KAZN: variants seen among roughly 807,000 people sequenced by gnomAD.
KAZN encodes the protein kazrin, periplakin interacting protein, also known as kazrin.
In KAZN, 40 loss-of-function variants were observed where a neutral mutation model predicts 87.4. The observed-to-expected ratio is 0.46, with a 90% CI of 0.36 to 0.60. KAZN has a LOEUF of 0.60. Ranked by LOEUF, KAZN falls within the 20% of genes least tolerant of loss-of-function variation. KAZN has a pLI of 0.00. For synonymous variants in KAZN, 466 were observed against 458.3 expected (o/e 1.02, Z -0.22); for missense variants, 898 against 1,073.9 (o/e 0.84, Z 2.29).
rs192115279 is a variant in KAZN at position 15,027,708 on chromosome 1, A to G, written c.419-7041A>G. The stretch of plus-strand genomic sequence containing the variant: ...TGCTGGCAGCAGCTGGGATCGTCTG[A>G]CGTGGACCGATTCCTCCCTCCTCAC... On this transcript the variant is annotated intron_variant, in intron 2 of 14. Transcript: ENST00000376030. Among the ~76,000 whole-genome samples, 38 of 152,284 alleles carry G rather than the reference A, an allele frequency of 2.5e-4. 1 individual carries two copies. The highest frequency in any genetic ancestry group is 1.1e-3 in the Admixed American group (17 of 15,302).
chr1:14,653,047 CT>C (rs1241000243), intron 1 of KAZN, among the ~76,000 whole-genome samples: 4 of 152,186 alleles, frequency 2.6e-5, no homozygotes, highest in African/African-American at 9.7e-5. Flanking sequence ...CCATATGAAA[CT>C]TACCGTCTTG....
intron 2 of KAZN, among the ~76,000 whole-genome samples, chr1:14,544,603 T>G (rs1222613644): frequency 6.6e-6 from 1 of 151,978 alleles, no homozygotes; most frequent in African/African-American, 2.4e-5. Flanking sequence ...CAACTTTTCT[T>G]TGTGCCAGAG....
Position 14,519,808 on chromosome 1 carries a change from C to G in KAZN, c.250-79175C>G, listed in dbSNP as rs182997804. Among the ~76,000 whole-genome samples the G allele has an allele frequency of 7.9e-4, 121 of 152,204 alleles. 2 individuals are homozygous for G. Among genetic ancestry groups the G allele is most frequent in the Admixed American group, 7.5e-3 (115 of 15,290 alleles). ...GATCCCCAGAGTCCCATGTGTCTGG[C>G]ATGACCCAGCAGCAGGAGAAATGTC... On this transcript the variant is annotated intron_variant, in intron 2 of 16. Coordinates refer to the KAZN transcript ENST00000636203.
intron 3 of KAZN, among the ~76,000 whole-genome samples, chr1:15,039,803 G>T (rs144370549): frequency 6.6e-6 from 1 of 152,106 alleles, no homozygotes; most frequent in Admixed American, 6.5e-5. Flanking sequence ...CTGACCAGCC[G>T]CTGGGGTGGG....
At chr1:14,716,805 G>C (rs115629971) in intron 1 of KAZN, among the ~76,000 whole-genome samples, 2 of 152,094 alleles carry the variant, frequency 1.3e-5, no homozygotes, top group South Asian at 4.2e-4. Context: ...CATGGCTCTA[G>C]CCACCACAGT....
rs540954093 is a variant in KAZN, at chr1:14,326,894, G to T, written c.249+146302G>T. Among the ~76,000 whole-genome samples, 4 of 152,070 alleles carry T rather than the reference G, an allele frequency of 2.6e-5. No homozygotes were observed. The East Asian group carries it at 5.8e-4, about 22-fold the overall frequency. ...TAGTAATCACCTCTTCCCCCATGTT[G>T]CCTGTCTCCCTCCCCCATCCTGCTT... On this transcript the variant is annotated intron_variant, in intron 2 of 16. Transcript: ENST00000636203.
rs1366623387 is a variant in KAZN at position 14,949,410 on chromosome 1, A to G, written c.227-11274A>G. Among the ~76,000 whole-genome samples the G allele has an allele frequency of 6.6e-6, 1 of 152,122 alleles. No homozygotes were observed. Among genetic ancestry groups the G allele is most frequent in the Admixed American group, 6.5e-5 (1 of 15,280 alleles). On this transcript the variant is annotated intron_variant, in intron 1 of 14. Transcript: ENST00000376030. The surrounding 1 kb of genome is among the most constrained non-coding windows in gnomAD (Gnocchi z 4.3). ...CCAAGCAAATTCCCAAGTAGGTAGG[A>G]GCAGACTGTTCATAAGTCATCAAGG...
At chr1:14,862,664 T>C (rs1240183448) in intron 1 of KAZN, among the ~76,000 whole-genome samples, 13 of 152,152 alleles carry the variant, frequency 8.5e-5, no homozygotes, top group Admixed American at 8.5e-4. Context: ...TAACAAATGG[T>C]CACCTGGGAG....
intron 2 of KAZN, among the ~76,000 whole-genome samples, chr1:14,534,110 G>A (rs76703514): frequency 6.6e-6 from 1 of 152,142 alleles, no homozygotes; most frequent in Admixed American, 6.5e-5. Flanking sequence ...GGACGGAGGT[G>A]CATCCAGGCA....
intron 1 of KAZN, among the ~76,000 whole-genome samples, chr1:14,171,800 TAA>T (rs1049286257): frequency 1.3e-5 from 2 of 152,292 alleles, no homozygotes; most frequent in African/African-American, 4.8e-5. Flanking sequence ...CTCATCTACA[TAA>T]AAAGAGTTTA....
At chr1:14,022,145 C>T (rs1640857199) in intron 1 of KAZN, among the ~76,000 whole-genome samples, 1 of 151,740 alleles carries the variant, frequency 6.6e-6, no homozygotes, top group African/African-American at 2.4e-5. Flanking sequence ...TGACTAGGAG[C>T]TTTGGATCTG....
intron 2 of KAZN, among the ~76,000 whole-genome samples, chr1:14,588,088 T>C (rs957382091): frequency 6.6e-6 from 1 of 152,162 alleles, no homozygotes; most frequent in Non-Finnish European, 1.5e-5. Context: ...TTCCTGAGTC[T>C]CAGTTCTCCT....
At chr1:14,712,051 G>A (rs750855642) in intron 1 of KAZN, among the ~76,000 whole-genome samples, 8 of 152,192 alleles carry the variant, frequency 5.3e-5, no homozygotes, top group Admixed American at 1.3e-4. Flanking sequence ...GGAGCTTCAC[G>A]AGCAAGGGGA....
At chr1:14,584,281 G>C (rs946617830) in intron 2 of KAZN, among the ~76,000 whole-genome samples, 1 of 152,234 alleles carries the variant, frequency 6.6e-6, no homozygotes, top group African/African-American at 2.4e-5. Context: ...CAACCGGAGA[G>C]AGAAGCTGTC....
intron 2 of KAZN, among the ~76,000 whole-genome samples, chr1:14,387,580 T>C (rs1662038452): frequency 6.6e-6 from 1 of 152,164 alleles, no homozygotes; most frequent in South Asian, 2.1e-4. Context: ...CCATGTGAGA[T>C]GTCAGTCTGC....
chr1:14,088,592 A>C (rs1643904248), intron 1 of KAZN, among the ~76,000 whole-genome samples: 1 of 152,092 alleles, frequency 6.6e-6, no homozygotes, highest in South Asian at 2.1e-4. Context: ...TTCACTTCAA[A>C]GAATGCTCTT....
intron 1 of KAZN, among the ~76,000 whole-genome samples, chr1:14,137,376 C>T (rs1360392816): frequency 6.6e-6 from 1 of 152,300 alleles, no homozygotes; most frequent in East Asian, 1.9e-4. Context: ...TATACTTGCT[C>T]TTCCCAATAT....
chr1:15,064,870 G>A (rs533901314), intron 7 of KAZN, among the ~76,000 whole-genome samples: 43 of 152,286 alleles, frequency 2.8e-4, no homozygotes, highest in African/African-American at 7.2e-4. Context: ...GGCAGTGGCC[G>A]AGTGCATGGA....
chr1:14,385,323 T>C (rs1445585628), intron 2 of KAZN, among the ~76,000 whole-genome samples: 1 of 152,230 alleles, frequency 6.6e-6, no homozygotes, highest in African/African-American at 2.4e-5. Flanking sequence ...TCAGTTCTGC[T>C]CTGATTTTAG....
Sources: allele counts gnomAD v4.1 joint callset (sites outside exome capture counted in the v4.1 genomes callset), GRCh38; gene constraint gnomAD v4.1.1; non-coding constraint Gnocchi (gnomAD v3.1); transcripts MANE v1.5; gene names NCBI Gene and HGNC (gene_info 2026-07-23, HGNC 2026-07-21).